The following PHLPP1 variants were observed in gnomAD, a reference collection of about 807,000 sequenced individuals.
PHLPP1 encodes PH domain leucine-rich repeat-containing protein phosphatase 1.
PHLPP1 carries 42 observed loss-of-function variants against 117.2 expected under a neutral mutation model. The ratio of observed to expected loss-of-function variants is 0.36; its 90% CI spans 0.28 to 0.46. PHLPP1 has a LOEUF of 0.46. Ranked by LOEUF, PHLPP1 falls within the 20% of genes least tolerant of loss-of-function variation. PHLPP1 has a pLI of 1.00. For synonymous variants in PHLPP1, 1,042 were observed against 970.7 expected, an observed-to-expected ratio of 1.07 and a Z score of -1.37; for missense variants, 2,084 against 2,241.9, an observed-to-expected ratio of 0.93 and a Z score of 1.42.
intron 1 of PHLPP1, among the ~76,000 whole-genome samples, chr18:62,822,019 C>T (rs1914473001): frequency 6.6e-6 from 1 of 152,012 alleles, no homozygotes; most frequent in African/African-American, 2.4e-5. Flanking sequence ...TCACCTGAGC[C>T]CAGGAGTTTG....
chr18:62,812,379 G>A (rs987219779), intron 1 of PHLPP1, among the ~76,000 whole-genome samples: 5 of 152,166 alleles, frequency 3.3e-5, no homozygotes, highest in African/African-American at 7.2e-5. Context: ...GCTGTCTAGC[G>A]TCATCATCCT....
At chr18:62,768,280 G>GCC (rs1469978729) in intron 1 of PHLPP1, among the ~76,000 whole-genome samples, 2 of 151,738 alleles carry the variant, frequency 1.3e-5, no homozygotes, top group African/African-American at 4.8e-5. Context: ...CTTTTTTCAA[G>GCC]CCCCTGATCA....
chr18:62,759,400 T>C (rs1912140513), intron 1 of PHLPP1, among the ~76,000 whole-genome samples: 1 of 152,236 alleles, frequency 6.6e-6, no homozygotes, highest in Non-Finnish European at 1.5e-5. Context: ...TGTTTGCAGC[T>C]AAAATGTTTC....
At chr18:62,733,426 T>G (rs747027503) in intron 1 of PHLPP1, among the ~76,000 whole-genome samples, 68 of 152,224 alleles carry the variant, frequency 4.5e-4, no homozygotes, top group South Asian at 1.0e-3. Context: ...AAACATAACT[T>G]TTTATATGCG....
At position 62,979,381 on chromosome 18, in the gene PHLPP1, C is replaced by T. The variant is rs764483971; in HGVS notation, c.5104C>T (p.Arg1702Trp). The T allele has an allele frequency of 4.3e-5, 66 of 1,550,604 alleles. No individual in the cohort carries two copies. The highest frequency in any genetic ancestry group is 1.5e-4 in the African/African-American group (11 of 73,030). Reference sequence around the variant, plus strand: ...CCCTCAGCTCCAGCCGCAGCTGCCGCGGCACTACCAGCTGGACCAGCTGCC... The same window carrying T: ...CCCTCAGCTCCAGCCGCAGCTGCCGTGGCACTACCAGCTGGACCAGCTGCC... ...PPPQLQPQLP[R>W]HYQLDQLPDY... Residue 1702 changes from arginine (R) to tryptophan (W), a missense_variant, in exon 17 of 17, where the codon CGG becomes TGG. Arg to Trp is a moderately radical substitution (Grantham distance 101). This residue lies in a region of PHLPP1 where 1,365 missense variants were observed against 1,605.9 expected (regional missense o/e 0.85). Coordinates refer to ENST00000262719, the MANE Select transcript of PHLPP1 (RefSeq NM_194449.4).
intron 3 of PHLPP1, among the ~76,000 whole-genome samples, chr18:62,845,698 A>T (rs1405754866): frequency 6.6e-6 from 1 of 152,168 alleles, no homozygotes; most frequent in Non-Finnish European, 1.5e-5. Flanking sequence ...TAGTTCAGGA[A>T]GTCTGCTGCC....
intron 12 of PHLPP1, among the ~76,000 whole-genome samples, chr18:62,948,274 G>A (rs902726393): frequency 6.6e-5 from 10 of 151,730 alleles, no homozygotes; most frequent in Admixed American, 3.9e-4. Context: ...ACAGTGAGCC[G>A]AGATCACACC....
chr18:62,800,794 G>A (rs541638057), intron 1 of PHLPP1, among the ~76,000 whole-genome samples: 6 of 152,028 alleles, frequency 3.9e-5, no homozygotes, highest in Admixed American at 1.3e-4. Flanking sequence ...TGGCTTCTCC[G>A]GCTACCTGCA....
At chr18:62,937,471 GA>G (rs938867755) in intron 10 of PHLPP1, among the ~76,000 whole-genome samples, 1 of 151,950 alleles carries the variant, frequency 6.6e-6, no homozygotes, top group South Asian at 2.1e-4. Flanking sequence ...AGCTCTTTTA[GA>G]AAAAAAGGAC....
intron 1 of PHLPP1, among the ~76,000 whole-genome samples, chr18:62,759,306 A>G (rs1405983535): frequency 6.6e-6 from 1 of 152,242 alleles, no homozygotes; most frequent in Non-Finnish European, 1.5e-5. Flanking sequence ...AATCATTTCC[A>G]TAGCTTAAAA....
At chr18:62,839,784 AATAT>A (rs527688912) in intron 3 of PHLPP1, 1 of 146,712 alleles carries the variant, frequency 6.8e-6, no homozygotes, top group African/African-American at 2.5e-5. Context: ...TATATTTTAT[AATAT>A]ATATATATAA....
intron 10 of PHLPP1, among the ~76,000 whole-genome samples, chr18:62,923,496 G>A (rs769168392): frequency 1.4e-4 from 22 of 152,094 alleles, no homozygotes; most frequent in Non-Finnish European, 2.5e-4. Flanking sequence ...TGGGCAGACA[G>A]GATTATGTGA....
At chr18:62,855,158 A>AT (rs1264894199) in intron 3 of PHLPP1, among the ~76,000 whole-genome samples, 1 of 152,240 alleles carries the variant, frequency 6.6e-6, no homozygotes, top group Non-Finnish European at 1.5e-5. Context: ...TATCACAAAG[A>AT]AGGCACTACT....
intron 1 of PHLPP1, among the ~76,000 whole-genome samples, chr18:62,750,345 ATC>A (rs141803461): frequency 5.3e-5 from 8 of 150,336 alleles, no homozygotes; most frequent in Non-Finnish European, 8.9e-5. Flanking sequence ...TCTAGTAATA[ATC>A]TCTCTCTCTC....
intron 3 of PHLPP1, among the ~76,000 whole-genome samples, chr18:62,852,595 G>A (rs569283255): frequency 2.0e-5 from 3 of 152,236 alleles, no homozygotes; most frequent in Admixed American, 6.5e-5. Flanking sequence ...CGCCCGCCTC[G>A]GCCTTCCAAA....
chr18:62,918,511 G>A (rs956732768), intron 9 of PHLPP1, among the ~76,000 whole-genome samples: 2 of 151,172 alleles, frequency 1.3e-5, no homozygotes, highest in African/African-American at 4.9e-5. Context: ...TGTGGTAATG[G>A]TAACTGCATA....
At chr18:62,920,479 A>G (rs1181553094) in intron 10 of PHLPP1, among the ~76,000 whole-genome samples, 1 of 152,140 alleles carries the variant, frequency 6.6e-6, no homozygotes, top group Admixed American at 6.6e-5. Context: ...CCGCTTTCAC[A>G]TGTTTGGGAC....
At chr18:62,882,383 C>T (rs1568148915) in intron 4 of PHLPP1, among the ~76,000 whole-genome samples, 1 of 152,044 alleles carries the variant, frequency 6.6e-6, no homozygotes, top group Non-Finnish European at 1.5e-5. Flanking sequence ...ATTCTCCTGC[C>T]TCAGCCTCCC....
At chr18:62,972,786 G>A (rs1911091229) in intron 15 of PHLPP1, 78 bp downstream of exon 15, 1 of 1,069,974 alleles carries the variant, frequency 9.3e-7, no homozygotes. Context: ...AGAAAAGCAG[G>A]TGCCCAATGG....
Sources: gnomAD v4.1 joint callset for allele counts (sites outside exome capture counted in the v4.1 genomes callset) on GRCh38, gnomAD v4.1.1 for gene constraint, gnomAD v4.1.1 regional missense constraint, MANE v1.5 for transcripts, NCBI Gene and HGNC (gene_info 2026-07-23, HGNC 2026-07-21) for gene names.